PPP3CA: variants seen among roughly 807,000 people sequenced by gnomAD.
PPP3CA encodes protein phosphatase 3 catalytic subunit alpha.
In PPP3CA, 14 loss-of-function variants were observed where a neutral mutation model predicts 66.5. The observed-to-expected ratio is 0.21, with a 90% confidence interval of 0.14 to 0.33. PPP3CA has a LOEUF of 0.33. Ranked by LOEUF, PPP3CA falls within the 10% of genes least tolerant of loss-of-function variation. The pLI is 1.00. For synonymous variants in PPP3CA, 232 were observed against 226.2 expected (o/e 1.03, Z -0.23); for missense variants, 317 against 639.5 (o/e 0.50, Z 5.44).
chr4:101,294,392 T>A lies in PPP3CA; in HGVS notation c.58+52347A>T, dbSNP rs554727635. 2.0e-4 allele frequency among the ~76,000 whole-genome samples: 31 copies of A among 152,296 alleles called. No individual in the cohort carries two copies. In the South Asian group the frequency reaches 6.4e-3, roughly 32 times the overall value. ...AACCATCAAATTAGGCTCCTTCCAGTCCAGCAATATGTAACTCTATGACAC... is the reference window on the plus strand; with the variant it reads ...AACCATCAAATTAGGCTCCTTCCAGACCAGCAATATGTAACTCTATGACAC... On this transcript the variant is annotated intron_variant, in intron 1 of 13. Coordinates refer to ENST00000394854, the MANE Select transcript of PPP3CA (RefSeq NM_000944.5).
At chr4:101,087,325 C>T (rs1353661769) in intron 6 of PPP3CA, among the ~76,000 whole-genome samples, 3 of 152,138 alleles carry the variant, frequency 2.0e-5, no homozygotes, top group African/African-American at 7.2e-5. Context: ...TTATTTAAGG[C>T]AAACTTTTTA....
intron 1 of PPP3CA, among the ~76,000 whole-genome samples, chr4:101,269,948 T>C (rs1727286051): frequency 6.6e-6 from 1 of 152,148 alleles, no homozygotes; most frequent in African/African-American, 2.4e-5. Flanking sequence ...GTAACCTCTG[T>C]GGCATACAGC....
At chr4:101,200,934 A>T (rs1203708399) in intron 1 of PPP3CA, among the ~76,000 whole-genome samples, 1 of 152,202 alleles carries the variant, frequency 6.6e-6, no homozygotes, top group Non-Finnish European at 1.5e-5. Flanking sequence ...CTGACTAGTC[A>T]CATATGGCTT....
intron 3 of PPP3CA, among the ~76,000 whole-genome samples, chr4:101,106,313 C>G (rs1298053476): frequency 2.0e-5 from 3 of 148,944 alleles, no homozygotes; most frequent in Admixed American, 6.8e-5. Context: ...TGAGCTATGA[C>G]TGTGCTACTG....
At chr4:101,165,044 T>C (rs1006160745) in intron 2 of PPP3CA, among the ~76,000 whole-genome samples, 1 of 152,090 alleles carries the variant, frequency 6.6e-6, no homozygotes, top group African/African-American at 2.4e-5. Context: ...GTCTATCCAG[T>C]ACAGGAATCC....
intron 10 of PPP3CA, among the ~76,000 whole-genome samples, chr4:101,047,313 C>T (rs1163814250): frequency 2.0e-5 from 3 of 152,062 alleles, no homozygotes; most frequent in Non-Finnish European, 4.4e-5. Flanking sequence ...AAATTGTAGC[C>T]TTTATAATTT....
At chr4:101,313,258 C>A (rs1728782197) in intron 1 of PPP3CA, among the ~76,000 whole-genome samples, 1 of 152,018 alleles carries the variant, frequency 6.6e-6, no homozygotes, top group South Asian at 2.1e-4. Context: ...AACTCCTGTC[C>A]TGAAACAATT....
intron 3 of PPP3CA, among the ~76,000 whole-genome samples, chr4:101,105,530 AGGTGGTTTGAGGAC>A (rs1730626020): frequency 6.6e-6 from 1 of 152,086 alleles, no homozygotes; most frequent in African/African-American, 2.4e-5. Flanking sequence ...AGAAAATTTC[AGGTGGTTTGAGGAC>A]AGAGATTCAG....
chr4:101,310,497 T>C (rs1001538598), intron 1 of PPP3CA, among the ~76,000 whole-genome samples: 23 of 152,066 alleles, frequency 1.5e-4, no homozygotes, highest in African/African-American at 5.3e-4. Flanking sequence ...CTGGGAAACA[T>C]AGTGAGACCC....
At chr4:101,256,051 T>A (rs979494569) in intron 1 of PPP3CA, among the ~76,000 whole-genome samples, 2 of 151,918 alleles carry the variant, frequency 1.3e-5, no homozygotes, top group Non-Finnish European at 2.9e-5. Flanking sequence ...CCTAACAATT[T>A]ATATTCTTTT....
At chr4:101,301,294 T>C (rs375082653) in intron 1 of PPP3CA, among the ~76,000 whole-genome samples, 2 of 151,566 alleles carry the variant, frequency 1.3e-5, no homozygotes, top group East Asian at 1.9e-4. Flanking sequence ...AATAACATGA[T>C]ACTACCTGCT....
intron 1 of PPP3CA, among the ~76,000 whole-genome samples, chr4:101,331,878 A>G (rs896108190): frequency 2.0e-5 from 3 of 152,224 alleles, no homozygotes; most frequent in Admixed American, 6.5e-5. Flanking sequence ...ATTCCGTAAT[A>G]TACAGAGTTC....
At chr4:101,160,355 C>T (rs59914033) in intron 2 of PPP3CA, among the ~76,000 whole-genome samples, 10,819 of 152,034 alleles carry the variant, frequency 0.071, 595 homozygotes, top group South Asian at 0.19. Context: ...TCCTTTTTGC[C>T]CCCATTTTTT....
intron 1 of PPP3CA, among the ~76,000 whole-genome samples, chr4:101,235,955 T>C (rs1266106095): frequency 6.6e-6 from 1 of 151,118 alleles, no homozygotes; most frequent in African/African-American, 2.4e-5. Flanking sequence ...CAAGTAAAAA[T>C]GTCAAATTCA....
chr4:101,317,732 G>A (rs1215682829), intron 1 of PPP3CA, among the ~76,000 whole-genome samples: 4 of 152,128 alleles, frequency 2.6e-5, no homozygotes, highest in African/African-American at 9.7e-5. Flanking sequence ...TGATCCACTT[G>A]ATGAAAGTCT....
At chr4:101,143,165 G>A (rs917033340) in intron 2 of PPP3CA, among the ~76,000 whole-genome samples, 2 of 152,044 alleles carry the variant, frequency 1.3e-5, no homozygotes, top group African/African-American at 4.8e-5. Context: ...CCTATGTCAC[G>A]TCACCCTTTC....
intron 1 of PPP3CA, among the ~76,000 whole-genome samples, chr4:101,285,305 G>A (rs1312081445): frequency 6.6e-6 from 1 of 152,114 alleles, no homozygotes; most frequent in Non-Finnish European, 1.5e-5. Context: ...TAGTAGAAGA[G>A]GAGATTATGG....
chr4:101,040,692 G>T (rs1727478613), intron 10 of PPP3CA, 126 bp from the exon 11 acceptor site: 2 of 660,530 alleles, frequency 3.0e-6, no homozygotes, highest in Non-Finnish European at 4.7e-6. Context: ...CCCCTTAAGA[G>T]GATTTATCTG....
intron 11 of PPP3CA, among the ~76,000 whole-genome samples, chr4:101,034,834 A>G (rs1294263085): frequency 6.6e-6 from 1 of 152,248 alleles, no homozygotes; most frequent in Non-Finnish European, 1.5e-5. Flanking sequence ...TTGAATGATA[A>G]TATGAGTTGG....
Sources: allele counts gnomAD v4.1 joint callset (sites outside exome capture counted in the v4.1 genomes callset), GRCh38; gene constraint gnomAD v4.1.1; transcripts MANE v1.5; gene names NCBI Gene and HGNC (gene_info 2026-07-23, HGNC 2026-07-21).